Variants in AGBL4 observed in about 807,000 individuals in gnomAD.
AGBL4 encodes the protein AGBL carboxypeptidase 4, also known as cytosolic carboxypeptidase 6.
AGBL4 carries 58 observed loss-of-function variants against 66.4 expected under a neutral mutation model. That is an observed-to-expected ratio of 0.87 (90% CI 0.71 to 1.09). The LOEUF is 1.09. AGBL4 is among the 50% of genes least tolerant of loss of function. AGBL4 has a pLI of 0.00. For missense variants in AGBL4, 579 were observed against 631.0 expected (o/e 0.92, Z 0.88); for synonymous variants, 234 against 222.9 (o/e 1.05, Z -0.44).
chr1:49,953,459 A>G (rs141141743), intron 1 of AGBL4, among the ~76,000 whole-genome samples: 1 of 152,098 alleles, frequency 6.6e-6, no homozygotes, highest in African/African-American at 2.4e-5. Flanking sequence ...ACTAATAAAT[A>G]TATCTCCAAA....
At chr1:49,725,601 C>T (rs1473320740) in intron 2 of AGBL4, among the ~76,000 whole-genome samples, 1 of 151,414 alleles carries the variant, frequency 6.6e-6, no homozygotes. Context: ...AAATCACCAG[C>T]ATGCTAAAGC....
intron 5 of AGBL4, among the ~76,000 whole-genome samples, chr1:48,961,156 G>A (rs533965896): frequency 1.3e-5 from 2 of 152,142 alleles, no homozygotes; most frequent in East Asian, 3.9e-4. Context: ...GGGATGCCTA[G>A]AACACTGCAG....
At chr1:48,731,528 C>T (rs1364044346) in intron 6 of AGBL4, among the ~76,000 whole-genome samples, 1 of 152,124 alleles carries the variant, frequency 6.6e-6, no homozygotes, top group Non-Finnish European at 1.5e-5. Context: ...CAGCAGCATC[C>T]ACCCACCCCA....
chr1:48,639,475 G>A (rs1245660026), intron 8 of AGBL4, among the ~76,000 whole-genome samples: 1 of 152,144 alleles, frequency 6.6e-6, no homozygotes, highest in East Asian at 1.9e-4. Flanking sequence ...CACTCACAGA[G>A]ATCTCTTTCG....
At chr1:49,334,066 G>A (rs1645387139) in intron 3 of AGBL4, among the ~76,000 whole-genome samples, 1 of 152,144 alleles carries the variant, frequency 6.6e-6, no homozygotes, top group African/African-American at 2.4e-5. Flanking sequence ...GTAGCCATGA[G>A]TAATAATTAT....
intron 2 of AGBL4, among the ~76,000 whole-genome samples, chr1:49,776,267 C>T (rs1417631249): frequency 2.0e-5 from 3 of 152,104 alleles, no homozygotes; most frequent in African/African-American, 7.2e-5. Context: ...GGCTACCTTT[C>T]ATCTGGTATC....
At chr1:48,867,842 G>A (rs1013640875) in intron 5 of AGBL4, among the ~76,000 whole-genome samples, 2 of 152,106 alleles carry the variant, frequency 1.3e-5, no homozygotes, top group East Asian at 1.9e-4. Context: ...AATAATATTT[G>A]TCTAGCACAC....
At chr1:48,603,673 C>T (rs1645109493) in intron 9 of AGBL4, among the ~76,000 whole-genome samples, 1 of 152,094 alleles carries the variant, frequency 6.6e-6, no homozygotes, top group South Asian at 2.1e-4. Flanking sequence ...ATTACATTTA[C>T]ATTTTAGCAA....
chr1:49,979,007 T>A (rs1309435784), intron 1 of AGBL4, among the ~76,000 whole-genome samples: 7 of 152,268 alleles, frequency 4.6e-5, no homozygotes, highest in East Asian at 3.9e-4. Flanking sequence ...GACAATTTTT[T>A]AAAAACCTAT....
chr1:49,954,772 TA>T (rs1656454426), intron 1 of AGBL4, among the ~76,000 whole-genome samples: 1 of 152,028 alleles, frequency 6.6e-6, no homozygotes, highest in South Asian at 2.1e-4. Context: ...TTCTGCCTGG[TA>T]CTATCCATCT....
chr1:48,805,552 G>A (rs1394435066), intron 6 of AGBL4, among the ~76,000 whole-genome samples: 1 of 152,108 alleles, frequency 6.6e-6, no homozygotes, highest in African/African-American at 2.4e-5. Context: ...GTCTGAAGGT[G>A]GCATGAAAGG....
chr1:49,790,810 G>T (rs1298864247), intron 2 of AGBL4, among the ~76,000 whole-genome samples: 1 of 152,138 alleles, frequency 6.6e-6, no homozygotes, highest in Non-Finnish European at 1.5e-5. Context: ...AGGAAAGCCA[G>T]GTGAAAACCT....
chr1:48,989,159 G>A (rs979620436), intron 5 of AGBL4, among the ~76,000 whole-genome samples: 1 of 152,130 alleles, frequency 6.6e-6, no homozygotes, highest in African/African-American at 2.4e-5. Context: ...TTTCAATGAT[G>A]TCTAAGGGTA....
intron 3 of AGBL4, among the ~76,000 whole-genome samples, chr1:49,391,654 C>T (rs375337971): frequency 3.3e-5 from 5 of 150,680 alleles, no homozygotes; most frequent in East Asian, 2.0e-4. Context: ...CTCCGCCTCC[C>T]GGGTTCACAC....
intron 2 of AGBL4, among the ~76,000 whole-genome samples, chr1:49,711,662 T>C (rs759755950): frequency 6.6e-6 from 1 of 152,034 alleles, no homozygotes; most frequent in Non-Finnish European, 1.5e-5. Flanking sequence ...CCTAAGTGTA[T>C]GCATATGTCA....
chr1:48,615,689 C>T (rs549566386), intron 9 of AGBL4, among the ~76,000 whole-genome samples: 2 of 152,324 alleles, frequency 1.3e-5, no homozygotes, highest in African/African-American at 4.8e-5. Context: ...CTTACATCCT[C>T]GGTAGTTCTA....
chr1:49,151,198 G>A (rs1646322941), intron 4 of AGBL4, among the ~76,000 whole-genome samples: 2 of 150,700 alleles, frequency 1.3e-5, no homozygotes, highest in Admixed American at 1.3e-4. Flanking sequence ...GAACCTGGGA[G>A]GCGAAGCTTG....
At chr1:49,639,167 C>G (rs1187995502) in intron 3 of AGBL4, among the ~76,000 whole-genome samples, 1 of 152,124 alleles carries the variant, frequency 6.6e-6, no homozygotes, top group African/African-American at 2.4e-5. Flanking sequence ...AGAATAAAAT[C>G]TGGAAACTAA....
At chr1:49,723,681 C>G (rs1423383304) in intron 2 of AGBL4, among the ~76,000 whole-genome samples, 1 of 152,108 alleles carries the variant, frequency 6.6e-6, no homozygotes. Context: ...AATCTTTCCC[C>G]ATCATCTTTT....
Sources: allele counts gnomAD v4.1 joint callset (sites outside exome capture counted in the v4.1 genomes callset), GRCh38; gene constraint gnomAD v4.1.1; transcripts MANE v1.5; gene names NCBI Gene and HGNC (gene_info 2026-07-23, HGNC 2026-07-21).